SGIP1: variants seen among roughly 807,000 people sequenced by gnomAD.
SGIP1 encodes the protein SH3GL interacting endocytic adaptor 1, also known as SH3-containing GRB2-like protein 3-interacting protein 1.
In SGIP1, 38 loss-of-function variants were observed where a neutral mutation model predicts 107.5. The ratio of observed to expected loss-of-function variants is 0.35; its 90% confidence interval spans 0.27 to 0.46. The LOEUF is 0.46. SGIP1 is among the 20% of genes least tolerant of loss of function. The pLI, the probability that SGIP1 is intolerant of heterozygous loss-of-function variation, is 1.00. For missense variants in SGIP1, 929 were observed against 1,019.5 expected, an observed-to-expected ratio of 0.91 and a Z score of 1.21; for synonymous variants, 365 against 366.1, an observed-to-expected ratio of 1.00 and a Z score of 0.03.
chr1:66,611,576 G>A (rs2068007532), intron 1 of SGIP1, among the ~76,000 whole-genome samples: 1 of 152,196 alleles, frequency 6.6e-6, no homozygotes, highest in South Asian at 2.1e-4. Context: ...TGGCTGAAGT[G>A]GTAAAGTATC....
rs2094602226 is a variant in SGIP1 at position 66,750,003 on chromosome 1, C to CTCTCTCTA, written c.*6915_*6916insATCTCTCT. On this transcript the variant is annotated 3_prime_UTR_variant, in exon 25 of 25. Transcript: ENST00000371037. ...CTCCTATCTAATTCATATTCTCTCT[C>CTCTCTCTA]TCTCTCTCTCTCTTTCTCTGTGTGT... 2.0e-5 allele frequency among the ~76,000 whole-genome samples: 3 copies of CTCTCTCTA among 150,772 alleles called. No homozygotes were observed. The highest frequency in any genetic ancestry group is 3.2e-3 in the Middle Eastern group (1 of 314).
At chr1:66,582,983 A>G (rs1388094858) in intron 1 of SGIP1, among the ~76,000 whole-genome samples, 6 of 152,024 alleles carry the variant, frequency 3.9e-5, no homozygotes, top group African/African-American at 1.4e-4. Flanking sequence ...GATTTGTACA[A>G]AAATTAGATG....
intron 1 of SGIP1, among the ~76,000 whole-genome samples, chr1:66,584,306 T>C (rs1223844528): frequency 6.6e-6 from 1 of 152,160 alleles, no homozygotes; most frequent in African/African-American, 2.4e-5. Context: ...TATCAGATGC[T>C]GTTTGGATTC....
At chr1:66,592,522 G>A (rs1425787200) in intron 1 of SGIP1, among the ~76,000 whole-genome samples, 1 of 152,162 alleles carries the variant, frequency 6.6e-6, no homozygotes, top group Non-Finnish European at 1.5e-5. Context: ...CATAGACACA[G>A]TAACAGTCTG....
intron 20 of SGIP1, among the ~76,000 whole-genome samples, chr1:66,731,929 G>T (rs1361760146): frequency 6.6e-6 from 1 of 152,112 alleles, no homozygotes; most frequent in Non-Finnish European, 1.5e-5. Context: ...GGGAACAATT[G>T]TCAACTCAAG....
chr1:66,553,492 G>T (rs937009536), intron 1 of SGIP1, among the ~76,000 whole-genome samples: 1 of 151,850 alleles, frequency 6.6e-6, no homozygotes. Flanking sequence ...CCTGGCCAAC[G>T]TGGTGAAACC....
rs772438605 is a variant in SGIP1, at chr1:66,690,146, C to G, written c.1444-44C>G. ...TTAAAAATATGGAGCAAAAATACTGCAACCTGTGTATCTAACTTTTCATCT... is the reference window on the plus strand; with the variant it reads ...TTAAAAATATGGAGCAAAAATACTGGAACCTGTGTATCTAACTTTTCATCT... On this transcript the variant is annotated intron_variant, in intron 16 of 24. Transcript: ENST00000371037. The G allele has an allele frequency of 2.5e-6, 4 of 1,605,856 alleles. No individual in the cohort carries two copies. The South Asian group carries it at 4.5e-5, about 18-fold the overall frequency.
intron 1 of SGIP1, among the ~76,000 whole-genome samples, chr1:66,548,580 A>T (rs1347410505): frequency 6.6e-6 from 1 of 152,112 alleles, no homozygotes; most frequent in African/African-American, 2.4e-5. Flanking sequence ...GAAGCACTTC[A>T]ATTATTTGAT....
At position 66,643,644 on chromosome 1, in the gene SGIP1, C is replaced by T; in HGVS notation, c.384C>T (p.Asp128=). ...AGATTAAACCATTGCAATCTAAAGA[C>T]ATTCTTAAGAATGCTGCAACTGTAG... The part of the protein sequence containing the change: ...NIKIKPLQSK[D]ILKNAATVDE... Residue 128 remains aspartate (D), a synonymous_variant, in exon 7 of 25, where the codon GAC becomes GAT. Coordinates refer to ENST00000371037, the MANE Select transcript of SGIP1 (RefSeq NM_032291.4). The T allele has an allele frequency of 6.2e-7, 1 of 1,611,220 alleles. No individual in the cohort carries two copies. The highest frequency in any genetic ancestry group is 1.3e-5 in the African/African-American group (1 of 74,860).
rs540214063 is a variant in SGIP1, at chr1:66,706,878, A to C, written c.1630+11385A>C. On this transcript the variant is annotated intron_variant, in intron 18 of 24. Coordinates refer to ENST00000371037, the MANE Select transcript of SGIP1 (RefSeq NM_032291.4). ...ACGCTAATATTCCCTTTGACACTTC[A>C]AAGTATTTACAAATAGCTCACAGTT... Among the ~76,000 whole-genome samples the C allele has an allele frequency of 3.3e-5, 5 of 152,268 alleles. No individual in the cohort carries two copies. In the East Asian group the frequency reaches 9.6e-4, roughly 29 times the overall value.
At chr1:66,607,498 A>G (rs886498259) in intron 1 of SGIP1, among the ~76,000 whole-genome samples, 1 of 152,226 alleles carries the variant, frequency 6.6e-6, no homozygotes, top group Non-Finnish European at 1.5e-5. Context: ...GATGGCTGAA[A>G]GTATTTGAAG....
At chr1:66,705,598 G>A (rs1342186671) in intron 18 of SGIP1, among the ~76,000 whole-genome samples, 6 of 152,050 alleles carry the variant, frequency 3.9e-5, no homozygotes, top group Non-Finnish European at 8.8e-5. Context: ...TCAAATAGCA[G>A]GCTTTCAGGC....
chr1:66,553,674 C>CAA (rs112976290), intron 1 of SGIP1, among the ~76,000 whole-genome samples: 72 of 95,112 alleles, frequency 7.6e-4, no homozygotes, highest in African/African-American at 2.9e-3. Context: ...AGACTCCAGT[C>CAA]AAAAAAAAAA....
chr1:66,712,511 A>G (rs1250596385), intron 18 of SGIP1, among the ~76,000 whole-genome samples: 1 of 152,120 alleles, frequency 6.6e-6, no homozygotes, highest in Non-Finnish European at 1.5e-5. Context: ...TTTATTTATA[A>G]AGGAAACCTT....
At position 66,748,899 on chromosome 1, in the gene SGIP1, AT is replaced by A. The variant is rs142774668; in HGVS notation, c.*5810del. 2.0e-5 allele frequency among the ~76,000 whole-genome samples: 3 copies of A among 151,886 alleles called. No homozygotes were observed. The highest frequency in any genetic ancestry group is 2.1e-4 in the South Asian group (1 of 4,830). On this transcript the variant is annotated 3_prime_UTR_variant, in exon 25 of 25. Transcript: ENST00000371037. ...AAAGTTATTGAATCAGGTAAAAAAA[AT>A]TTTTTCTAAGCACACCTTGAGAAAC...
At chr1:66,546,234 C>T (rs931116053) in intron 1 of SGIP1, among the ~76,000 whole-genome samples, 4 of 152,130 alleles carry the variant, frequency 2.6e-5, no homozygotes, top group African/African-American at 4.8e-5. Context: ...ACCCATCTGC[C>T]ACGTAGGATC....
At chr1:66,630,674 T>G (rs1423391301) in intron 2 of SGIP1, among the ~76,000 whole-genome samples, 3 of 150,368 alleles carry the variant, frequency 2.0e-5, no homozygotes, top group Non-Finnish European at 4.4e-5. Context: ...GGCGTGGTGA[T>G]GCATGCCTAT....
intron 1 of SGIP1, among the ~76,000 whole-genome samples, chr1:66,624,521 A>G (rs1411926372): frequency 6.6e-6 from 1 of 152,220 alleles, no homozygotes; most frequent in East Asian, 1.9e-4. Flanking sequence ...AAAATACAAA[A>G]TTAGACAGAA....
Position 66,740,635 on chromosome 1 carries a change from C to T in SGIP1, c.2235-23C>T, listed in dbSNP as rs112984787. 3.1e-4 allele frequency: 485 copies of T among 1,547,974 alleles called. 6 individuals carry two copies. In the African/African-American group the frequency reaches 5.4e-3, roughly 17 times the overall value. On this transcript the variant is annotated intron_variant, in intron 22 of 24. Transcript: ENST00000371037. ...ACAAAAACTCTTGGATATGCAAAAA[C>T]CTTTTACCTAATTTATTTTTAGGAA...
Sources: allele counts gnomAD v4.1 joint callset (sites outside exome capture counted in the v4.1 genomes callset), GRCh38; gene constraint gnomAD v4.1.1; transcripts MANE v1.5; gene names NCBI Gene and HGNC (gene_info 2026-07-23, HGNC 2026-07-21).